Variants in PDE4D observed in about 807,000 individuals in gnomAD.
The protein encoded by PDE4D is phosphodiesterase 4D, also known as 3',5'-cyclic-AMP phosphodiesterase 4D.
A neutral mutation model predicts 87.4 loss-of-function variants in PDE4D; 24 were observed. The ratio of observed to expected loss-of-function variants is 0.27; its 90% CI spans 0.20 to 0.39. PDE4D has a LOEUF of 0.39. PDE4D is among the 10% of genes least tolerant of loss of function. PDE4D has a pLI of 1.00. For synonymous variants in PDE4D, 384 were observed against 383.2 expected, an observed-to-expected ratio of 1.00 and a Z score of -0.02; for missense variants, 714 against 1,041.0, an observed-to-expected ratio of 0.69 and a Z score of 4.32.
At position 59,127,483 on chromosome 5, in the gene PDE4D, T is replaced by C. The variant is rs186314239; in HGVS notation, c.808+53112A>G. On this transcript the variant is annotated intron_variant, in intron 5 of 14. Coordinates refer to ENST00000340635, the MANE Select transcript of PDE4D (RefSeq NM_001104631.2). ...TAATGAGCCCAGGCAGCAGTGTGTG[T>C]GAGTGAGCGGGCGTGTGCACAGGAG... Among the ~76,000 whole-genome samples, 519 of 152,020 alleles carry C rather than the reference T, an allele frequency of 3.4e-3. 4 individuals carry two copies. The highest frequency in any genetic ancestry group is 0.012 in the African/African-American group (499 of 41,458).
At position 59,781,811 on chromosome 5, in the gene PDE4D, A is replaced by T. The variant is rs1304504029; in HGVS notation, c.455+111357T>A. Among the ~76,000 whole-genome samples, 415 of 151,386 alleles carry T rather than the reference A, an allele frequency of 2.7e-3. 3 individuals carry two copies. The highest frequency in any genetic ancestry group is 9.6e-3 in the African/African-American group (397 of 41,290). Reference sequence around the variant, plus strand: ...AAAAAAAAAAAAAAAAAAAAAAAAAAAAAATCAACTCCTGATTTGTGGCGT... The same window carrying T: ...AAAAAAAAAAAAAAAAAAAAAAAAATAAAATCAACTCCTGATTTGTGGCGT... On this transcript the variant is annotated intron_variant, in intron 1 of 14. Transcript: ENST00000340635.
chr5:60,041,768 G>T (rs1768511819), intron 2 of PDE4D, among the ~76,000 whole-genome samples: 1 of 152,150 alleles, frequency 6.6e-6, no homozygotes, highest in African/African-American at 2.4e-5. Context: ...GTGCATTCCG[G>T]CCCAGATACT....
At chr5:59,000,442 A>G (rs1052128051) in intron 6 of PDE4D, among the ~76,000 whole-genome samples, 3 of 152,144 alleles carry the variant, frequency 2.0e-5, no homozygotes, top group African/African-American at 2.4e-5. Flanking sequence ...CAATACGACT[A>G]ATGTCCAGAA....
intron 2 of PDE4D, among the ~76,000 whole-genome samples, chr5:59,207,856 G>GTT (rs141816425): frequency 0.12 from 17,259 of 148,942 alleles, 1,127 homozygotes; most frequent in African/African-American, 0.16. Context: ...GATTTTTAGA[G>GTT]TTTTTTTTTT....
At chr5:59,665,049 T>C (rs2150303269) in intron 1 of PDE4D, among the ~76,000 whole-genome samples, 1 of 152,308 alleles carries the variant, frequency 6.6e-6, no homozygotes, top group Admixed American at 6.5e-5. Context: ...TAGTGACATG[T>C]CCCCCTGAAA....
intron 1 of PDE4D, among the ~76,000 whole-genome samples, chr5:59,448,251 G>A (rs1416180555): frequency 6.6e-6 from 1 of 152,180 alleles, no homozygotes; most frequent in Non-Finnish European, 1.5e-5. Context: ...TGGCTGCCAA[G>A]TGAGGTGGGA....
intron 1 of PDE4D, among the ~76,000 whole-genome samples, chr5:59,268,875 A>AATCT (rs1418395157): frequency 6.6e-6 from 1 of 152,098 alleles, no homozygotes; most frequent in Non-Finnish European, 1.5e-5. Context: ...TTCATCTTAG[A>AATCT]ATCTACTTTT....
At chr5:59,741,864 C>T (rs1273997784) in intron 1 of PDE4D, among the ~76,000 whole-genome samples, 1 of 152,130 alleles carries the variant, frequency 6.6e-6, no homozygotes, top group African/African-American at 2.4e-5. Context: ...AGTAGTCTCT[C>T]GGGTCCTAAA....
intron 3 of PDE4D, among the ~76,000 whole-genome samples, chr5:59,914,981 C>CTT (rs1753883958): frequency 6.7e-6 from 1 of 149,992 alleles, no homozygotes; most frequent in Non-Finnish European, 1.5e-5. Context: ...AATTATAGTG[C>CTT]TTCTATTGAG....
At chr5:59,633,256 A>G (rs1219449836) in intron 1 of PDE4D, among the ~76,000 whole-genome samples, 2 of 152,190 alleles carry the variant, frequency 1.3e-5, no homozygotes, top group African/African-American at 4.8e-5. Context: ...CCAAACCTAC[A>G]TGTGATTAGT....
rs569877749 is a variant in PDE4D, at chr5:59,636,733, C to T, written c.455+256435G>A. Among the ~76,000 whole-genome samples the T allele has an allele frequency of 8.5e-5, 13 of 152,266 alleles. No individual in the cohort carries two copies. In the South Asian group the frequency reaches 2.7e-3, roughly 32 times the overall value. ...AAACTGAAACTGGACCCCTTCCTTACACCTTATACAAAAATTAACTCAAGA... is the reference window on the plus strand; with the variant it reads ...AAACTGAAACTGGACCCCTTCCTTATACCTTATACAAAAATTAACTCAAGA... On this transcript the variant is annotated intron_variant, in intron 1 of 14. Transcript: ENST00000340635.
intron 1 of PDE4D, among the ~76,000 whole-genome samples, chr5:59,815,721 A>G (rs1006387004): frequency 6.6e-6 from 1 of 152,218 alleles, no homozygotes; most frequent in Non-Finnish European, 1.5e-5. Flanking sequence ...CATTTCACAA[A>G]TGCATACAAA....
intron 5 of PDE4D, among the ~76,000 whole-genome samples, chr5:59,054,258 T>A (rs1366281672): frequency 6.6e-6 from 1 of 152,164 alleles, no homozygotes; most frequent in Non-Finnish European, 1.5e-5. Flanking sequence ...CAGACTCCAC[T>A]CATACAAGGT....
chr5:59,340,075 C>G (rs796086577), intron 1 of PDE4D, among the ~76,000 whole-genome samples: 1 of 152,088 alleles, frequency 6.6e-6, no homozygotes, highest in Admixed American at 6.6e-5. Context: ...TGTTTTAATT[C>G]TCTCTTGATG....
chr5:59,551,159 T>A lies in PDE4D; in HGVS notation c.456-335191A>T, dbSNP rs145575081. Among the ~76,000 whole-genome samples the A allele has an allele frequency of 4.3e-3, 653 of 152,078 alleles. 9 individuals are homozygous for A. Among genetic ancestry groups the A allele is most frequent in the African/African-American group, 0.015 (615 of 41,544 alleles). The stretch of plus-strand genomic sequence containing the variant: ...ACACATCTATCAGACATTTTCTTCA[T>A]GCTTTCTCGCTCTAGTGATATGCTT... On this transcript the variant is annotated intron_variant, in intron 1 of 14. Transcript: ENST00000340635.
At chr5:59,341,248 T>C (rs2153581877) in intron 1 of PDE4D, among the ~76,000 whole-genome samples, 1 of 152,292 alleles carries the variant, frequency 6.6e-6, no homozygotes, top group Admixed American at 6.5e-5. Flanking sequence ...TCAGAGTTAT[T>C]ACATTTGCAA....
intron 1 of PDE4D, among the ~76,000 whole-genome samples, chr5:59,653,810 T>G: frequency 2.2e-5 from 3 of 138,414 alleles, no homozygotes; most frequent in Non-Finnish European, 4.6e-5. Flanking sequence ...GAGAAAAGAG[T>G]GGAAAGGGAA....
intron 3 of PDE4D, among the ~76,000 whole-genome samples, chr5:59,981,104 T>C (rs1382346386): frequency 6.6e-6 from 1 of 151,914 alleles, no homozygotes; most frequent in Non-Finnish European, 1.5e-5. Context: ...ATACAAAAAT[T>C]AGCCTGGTGT....
chr5:60,379,825 C>T (rs529275220), intron 1 of PDE4D, among the ~76,000 whole-genome samples: 5 of 152,140 alleles, frequency 3.3e-5, no homozygotes, highest in African/African-American at 1.2e-4. Flanking sequence ...CCCTTCACCC[C>T]CTTGGCCTGA....
Sources: gnomAD v4.1 joint callset for allele counts (sites outside exome capture counted in the v4.1 genomes callset) on GRCh38, gnomAD v4.1.1 for gene constraint, MANE v1.5 for transcripts, NCBI Gene and HGNC (gene_info 2026-07-23, HGNC 2026-07-21) for gene names.